The following TBC1D1 variants were observed in gnomAD, a reference collection of about 807,000 sequenced individuals.
TBC1D1 encodes the protein TBC1 domain family member 1.
Under a neutral mutation model 125.6 loss-of-function variants are expected in TBC1D1, and 89 were observed. The observed-to-expected ratio is 0.71, with a 90% confidence interval of 0.60 to 0.85. TBC1D1 has a LOEUF of 0.85. Ranked by LOEUF, TBC1D1 falls within the 40% of genes least tolerant of loss-of-function variation. The pLI, the probability that TBC1D1 is intolerant of heterozygous loss-of-function variation, is 0.00. For synonymous variants in TBC1D1, 565 were observed against 564.1 expected (o/e 1.00, Z -0.02); for missense variants, 1,377 against 1,469.2 (o/e 0.94, Z 1.03).
rs147060014 is a variant in TBC1D1, at chr4:37,941,518, T to C, written c.417+39006T>C. ...TTTTGAAGGGTTTTTTGTGTCTCTG[T>C]CTCCCTCAGTTCTGTTCTGATCTTA... is the stretch of plus-strand genomic sequence containing the variant. On this transcript the variant is annotated intron_variant, in intron 2 of 19. Transcript: ENST00000261439. 2.7e-3 allele frequency among the ~76,000 whole-genome samples: 408 copies of C among 152,348 alleles called. 2 individuals carry two copies. Among genetic ancestry groups the C allele is most frequent in the African/African-American group, 9.3e-3 (387 of 41,592 alleles).
intron 2 of TBC1D1, among the ~76,000 whole-genome samples, chr4:38,011,837 T>C (rs1454921260): frequency 1.3e-5 from 2 of 152,230 alleles, no homozygotes; most frequent in African/African-American, 4.8e-5. Flanking sequence ...GACCAAGTTA[T>C]GAGGTATTCT....
At chr4:37,902,609 A>T (rs1309462242) in intron 2 of TBC1D1, 97 bp downstream of exon 2, 2 of 975,662 alleles carry the variant, frequency 2.0e-6, no homozygotes, top group Non-Finnish European at 2.9e-6. Flanking sequence ...GAAATGAATA[A>T]GGAATTAATG....
chr4:37,963,878 A>G (rs182702201), intron 2 of TBC1D1, among the ~76,000 whole-genome samples: 31 of 152,246 alleles, frequency 2.0e-4, no homozygotes, highest in Admixed American at 1.3e-3. Flanking sequence ...TTTCCCCCCA[A>G]TGGCTCATTT....
At chr4:37,915,984 G>A (rs1432013362) in intron 2 of TBC1D1, among the ~76,000 whole-genome samples, 2 of 152,198 alleles carry the variant, frequency 1.3e-5, no homozygotes, top group Non-Finnish European at 2.9e-5. Flanking sequence ...TGAAGGCTGA[G>A]CAGCCTTTAC....
At chr4:37,961,158 G>A (rs1729965588) in intron 2 of TBC1D1, 1 of 1,085,358 alleles carries the variant, frequency 9.2e-7, no homozygotes, top group Non-Finnish European at 1.3e-6. Context: ...ATGTGCATCT[G>A]TCTCAGCTGT....
intron 8 of TBC1D1, among the ~76,000 whole-genome samples, chr4:38,039,687 A>C (rs1358906391): frequency 1.3e-5 from 2 of 152,220 alleles, no homozygotes; most frequent in Non-Finnish European, 2.9e-5. Context: ...TGAGAATTTC[A>C]GTATAGCATC....
chr4:37,937,624 T>G (rs1724661232), intron 2 of TBC1D1, among the ~76,000 whole-genome samples: 1 of 152,182 alleles, frequency 6.6e-6, no homozygotes, highest in African/African-American at 2.4e-5. Context: ...TAAGAATTGT[T>G]TCATCAAGAA....
At chr4:38,096,273 C>T (rs1323434636) in intron 14 of TBC1D1, among the ~76,000 whole-genome samples, 183 bp downstream of exon 16, 1 of 152,158 alleles carries the variant, frequency 6.6e-6, no homozygotes, top group Non-Finnish European at 1.5e-5. Context: ...CATGATTCCT[C>T]TTAATTAAAA....
chr4:37,956,171 C>T (rs765373689), intron 2 of TBC1D1, among the ~76,000 whole-genome samples: 7 of 152,026 alleles, frequency 4.6e-5, no homozygotes, highest in Admixed American at 1.3e-4. Context: ...GAATGACAAC[C>T]GGCTAATTTT....
chr4:37,938,238 C>A (rs1320305572), intron 2 of TBC1D1, among the ~76,000 whole-genome samples: 1 of 151,978 alleles, frequency 6.6e-6, no homozygotes, highest in Non-Finnish European at 1.5e-5. Flanking sequence ...TATGTACGTA[C>A]CTATAAGAGG....
intron 1 of TBC1D1, among the ~76,000 whole-genome samples, chr4:37,900,573 TC>T (rs1440805932): frequency 6.6e-6 from 1 of 152,060 alleles, no homozygotes; most frequent in Non-Finnish European, 1.5e-5. Flanking sequence ...ACGCCTGCCT[TC>T]ATGGAGTTTC....
intron 2 of TBC1D1, among the ~76,000 whole-genome samples, chr4:38,002,593 A>G (rs544403150): frequency 6.6e-6 from 1 of 152,366 alleles, no homozygotes; most frequent in African/African-American, 2.4e-5. Context: ...GAGCAGACTT[A>G]TTGAATACTT....
At chr4:37,992,791 C>T (rs1297937448) in intron 2 of TBC1D1, among the ~76,000 whole-genome samples, 1 of 148,684 alleles carries the variant, frequency 6.7e-6, no homozygotes, top group African/African-American at 2.5e-5. Flanking sequence ...CCATGCCTGG[C>T]CGATTCTTTT....
chr4:37,912,520 C>A (rs1718836371), intron 2 of TBC1D1, among the ~76,000 whole-genome samples: 1 of 152,152 alleles, frequency 6.6e-6, no homozygotes, highest in Non-Finnish European at 1.5e-5. Flanking sequence ...AGGAGTTGGA[C>A]AGTCCCCTGA....
At chr4:38,045,187 C>T (rs976101337) in intron 9 of TBC1D1, among the ~76,000 whole-genome samples, 54 of 152,188 alleles carry the variant, frequency 3.5e-4, no homozygotes, top group African/African-American at 1.2e-3. Flanking sequence ...CCTGATGGCA[C>T]GTCTGAGAAA....
rs1474547377 is a variant in TBC1D1, at chr4:38,014,921, A to G, written c.830A>G (p.His277Arg). The change falls in exon 3 of 20, where the codon CAC becomes CGC. Residue 277 changes from histidine to arginine, a missense_variant. By Grantham distance (29) the His-to-Arg change is conservative. Around this residue, in one of 3 missense-constraint regions of TBC1D1, gnomAD observed 822 missense variants for 824.6 expected, o/e 1.00. Transcript: ENST00000261439. This position sits in a 1 kb window ranked among gnomAD's most constrained non-coding sequence, Gnocchi z 5.1. ...ATTGAGAACCACCTCATTAGCGGAC[A>G]CAATATTGTGCAGCCCACAGATATC... is the stretch of plus-strand genomic sequence containing the variant. 6.3e-7 allele frequency: 1 copy of G among 1,588,156 alleles called. No homozygotes were observed. Among genetic ancestry groups the G allele is most frequent in the Non-Finnish European group, 8.6e-7 (1 of 1,163,884 alleles).
chr4:37,906,533 T>C (rs1395189418), intron 2 of TBC1D1, among the ~76,000 whole-genome samples: 6 of 152,232 alleles, frequency 3.9e-5, no homozygotes, highest in Admixed American at 1.3e-4. Flanking sequence ...AAAGCATCAG[T>C]GATTTCACCA....
intron 2 of TBC1D1, chr4:37,996,179 T>G (rs940084463): frequency 6.4e-5 from 23 of 359,566 alleles, no homozygotes; most frequent in South Asian, 2.3e-4. Context: ...GCCTCCCTGC[T>G]CAGGCACCCA....
rs368009199 is a variant in TBC1D1, at chr4:38,124,914, G to T, written c.2963-48G>T. 5.2e-6 allele frequency: 8 copies of T among 1,553,118 alleles called. No homozygotes were observed. In the East Asian group the frequency reaches 1.3e-4, roughly 26 times the overall value. ...GGAAAAGGCAATGGAATGGTATTGC[G>T]TGAGAAACTGGTCTGGTTTAACTTT... is the stretch of plus-strand genomic sequence containing the variant. On this transcript the variant is annotated intron_variant, in intron 17 of 19. Transcript: ENST00000261439.
Sources: allele counts gnomAD v4.1 joint callset (sites outside exome capture counted in the v4.1 genomes callset), GRCh38; gene constraint gnomAD v4.1.1; regional missense constraint gnomAD v4.1.1; non-coding constraint Gnocchi (gnomAD v3.1); transcripts MANE v1.5; gene names NCBI Gene and HGNC (gene_info 2026-07-23, HGNC 2026-07-21).